Variants in PPIE observed in about 807,000 individuals in gnomAD.
PPIE encodes the protein peptidylprolyl isomerase E.
A neutral mutation model predicts 38.4 loss-of-function variants in PPIE; 20 were observed. The observed-to-expected ratio is 0.52, with a 90% CI of 0.37 to 0.76. The LOEUF is 0.76. Ranked by LOEUF, PPIE falls within the 30% of genes least tolerant of loss-of-function variation. The pLI is 0.00. For synonymous variants in PPIE, 142 were observed against 135.7 expected (o/e 1.05, Z -0.32); for missense variants, 322 against 385.8 (o/e 0.83, Z 1.39).
chr1:39,745,432 A>G lies in PPIE; in HGVS notation c.442A>G (p.Ile148Val), dbSNP rs766435677. ...SNPQVYMDIK[I>V]GNKPAGRIQM... The stretch of plus-strand genomic sequence containing the variant: ...TCCTCAGGTGTACATGGACATCAAG[A>G]TTGGGAACAAGCCGGCTGGCCGCAT... The change falls in exon 7 of 10, where the codon ATT becomes GTT. Residue 148 changes from isoleucine to valine, a missense_variant. Coordinates refer to ENST00000324379, the MANE Select transcript of PPIE (RefSeq NM_006112.4). 3.1e-6 allele frequency: 5 copies of G among 1,614,226 alleles called. No homozygotes were observed. The highest frequency in any genetic ancestry group is 4.2e-6 in the Non-Finnish European group (5 of 1,180,038).
At chr1:39,741,094 G>T (rs1198948627) in intron 2 of PPIE, among the ~76,000 whole-genome samples, 1 of 152,088 alleles carries the variant, frequency 6.6e-6, no homozygotes, top group African/African-American at 2.4e-5. Flanking sequence ...AATGGTTAAG[G>T]TTTTAAGTTT....
downstream of PPIE, chr1:39,759,958 G>A (rs1329002201): frequency 5.7e-6 from 1 of 174,582 alleles, no homozygotes; most frequent in Non-Finnish European, 1.2e-5. Flanking sequence ...GGCAGGCAAT[G>A]GGGAGCCAAC....
At chr1:39,757,639 C>G (rs28447267), downstream of PPIE, 23 of 152,388 alleles carry the variant, frequency 1.5e-4, no homozygotes, top group Admixed American at 1.3e-4. Context: ...GTCAGTAGAT[C>G]TGAAACAACC....
chr1:39,743,800 A>G (rs1553122903), intron 5 of PPIE, 24 bp from the exon 6 acceptor site: 4 of 1,588,212 alleles, frequency 2.5e-6, no homozygotes, highest in Admixed American at 1.7e-5. Context: ...TTGAATGAAC[A>G]TTTGTTTGAT....
At position 39,754,806 on chromosome 1, in the gene PPIE, CA is replaced by C. The variant is rs1648095802; in HGVS notation, c.*1452del. 6.6e-6 allele frequency among the ~76,000 whole-genome samples: 1 copy of C among 152,144 alleles called. No homozygotes were observed. Among genetic ancestry groups the C allele is most frequent in the South Asian group, 2.1e-4 (1 of 4,828 alleles). ...CTGGGAGGTTGAGGCTGCAGTCAGC[CA>C]TGGTCATGCCACTGTACTCCAGCCT... On this transcript the variant is annotated 3_prime_UTR_variant, in exon 10 of 10. Transcript: ENST00000324379.
At chr1:39,760,774 G>A (rs1006003153), downstream of PPIE, among the ~76,000 whole-genome samples, 1 of 152,158 alleles carries the variant, frequency 6.6e-6, no homozygotes, top group Admixed American at 6.5e-5. Context: ...CAGTGCCCAG[G>A]GAGGGACACA....
At chr1:39,745,680 A>T (rs113018707) in intron 7 of PPIE, 182 bp downstream of exon 7, 1 of 872,888 alleles carries the variant, frequency 1.1e-6, no homozygotes, top group Non-Finnish European at 1.7e-6. Context: ...TTGAAGCTTT[A>T]TAAGTGCTGG....
chr1:39,748,743 A>G, intron 7 of PPIE, 160 bp from the exon 8 acceptor site: 2 of 659,380 alleles, frequency 3.0e-6, no homozygotes, highest in Non-Finnish European at 5.1e-6. Context: ...CTCAAGGAAA[A>G]AGAATCCCTT....
In PPIE at chr1:39,753,633, G is replaced by A. The variant is rs535692139; in HGVS notation, c.*278G>A. 1 of 1,294,896 alleles carries A rather than the reference G, an allele frequency of 7.7e-7. No individual in the cohort carries two copies. The highest frequency in any genetic ancestry group is 2.1e-5 in the South Asian group (1 of 46,572). 80.2% of individuals were successfully genotyped at this position (1,294,896 alleles called of 1,614,324 possible). A position where few individuals can be genotyped will look rare whatever the true frequency, so the allele number is the denominator to read the frequency against. On this transcript the variant is annotated 3_prime_UTR_variant, in exon 10 of 10. Coordinates refer to ENST00000324379, the MANE Select transcript of PPIE (RefSeq NM_006112.4). ...TGGCTTTTCTCAGCATTTGCTGCTG[G>A]GCCTCTCCTGGGACTACCAGTGTGG...
At position 39,752,972 on chromosome 1, in the gene PPIE, G is replaced by A; in HGVS notation, c.757G>A (p.Asp253Asn). Residue 253 changes from aspartate to asparagine, a missense_variant, in exon 9 of 10, where the codon GAC becomes AAC. Transcript: ENST00000324379. ...TGGCTCTCAGTTCTTCCTGACATGTGACAAGACAGACTGGCTGGATGGCAA... is the reference window on the plus strand; with the variant it reads ...TGGCTCTCAGTTCTTCCTGACATGTAACAAGACAGACTGGCTGGATGGCAA... ...TNGSQFFLTC[D>N]KTDWLDGKHV... The A allele has an allele frequency of 6.2e-7, 1 of 1,614,218 alleles. No homozygotes were observed. Among genetic ancestry groups the A allele is most frequent in the Non-Finnish European group, 8.5e-7 (1 of 1,180,044 alleles).
chr1:39,752,811 T>G, intron 8 of PPIE, 99 bp from the exon 9 acceptor site: 4 of 1,457,950 alleles, frequency 2.7e-6, no homozygotes, highest in Non-Finnish European at 3.7e-6. Context: ...TCCCCGAGTC[T>G]GAGCCTGACT....
chr1:39,762,613 C>A, intron 9 of PPIE: 1 of 1,549,546 alleles, frequency 6.5e-7, no homozygotes, highest in Non-Finnish European at 8.7e-7. Flanking sequence ...GGTTGAGAGC[C>A]ACACCATCTA....
intron 1 of PPIE, chr1:39,739,342 A>T: frequency 1.1e-5 from 2 of 182,642 alleles, no homozygotes; most frequent in Non-Finnish European, 2.3e-5. Context: ...TAGCCCGCTG[A>T]GCTCCAGCGG....
At chr1:39,761,613 G>A (rs1025350772), downstream of PPIE, among the ~76,000 whole-genome samples, 8 of 151,858 alleles carry the variant, frequency 5.3e-5, no homozygotes, top group African/African-American at 1.7e-4. Flanking sequence ...ACCTCCCTCC[G>A]CCCTCCTCCC....
intron 8 of PPIE, among the ~76,000 whole-genome samples, chr1:39,749,939 GC>G (rs1481453811): frequency 1.3e-5 from 2 of 152,132 alleles, no homozygotes; most frequent in African/African-American, 4.8e-5. Flanking sequence ...TTGGAGGCCA[GC>G]CTAACTAACA....
chr1:39,753,860 T>C lies in PPIE; in HGVS notation c.*505T>C. The C allele has an allele frequency of 3.0e-6, 3 of 986,058 alleles. No individual in the cohort carries two copies. The highest frequency in any genetic ancestry group is 3.6e-6 in the Non-Finnish European group (3 of 830,440). 61.1% of individuals were successfully genotyped at this position (986,058 alleles called of 1,614,324 possible). A position where few individuals can be genotyped will look rare whatever the true frequency, so the allele number is the denominator to read the frequency against. On this transcript the variant is annotated 3_prime_UTR_variant, in exon 10 of 10. Transcript: ENST00000324379. ...CCCTTAGATGTCAGGTGATGTATCT[T>C]CACACCAGGCATCGATGTCAGGGCA...
chr1:39,755,607 C>G lies in PPIE; in HGVS notation c.*2252C>G. Reference sequence around the variant, plus strand: ...ACTGACTTCAGTGCTTGGACGAGAACCAGGAGAGAGTGTGTAGAAAAAGCA... The same window carrying G: ...ACTGACTTCAGTGCTTGGACGAGAAGCAGGAGAGAGTGTGTAGAAAAAGCA... On this transcript the variant is annotated 3_prime_UTR_variant, in exon 10 of 10. Transcript: ENST00000324379. 1 of 985,378 alleles carries G rather than the reference C, an allele frequency of 1.0e-6. No individual in the cohort carries two copies. Among genetic ancestry groups the G allele is most frequent in the African/African-American group, 1.7e-5 (1 of 57,338 alleles). 61.0% of individuals were successfully genotyped at this position (985,378 alleles called of 1,614,324 possible). A position where few individuals can be genotyped will look rare whatever the true frequency, so the allele number is the denominator to read the frequency against.
At chr1:39,760,338 G>A, downstream of PPIE, 6 of 1,585,908 alleles carry the variant, frequency 3.8e-6, no homozygotes, top group Non-Finnish European at 5.1e-6. Flanking sequence ...CCTGGGGTCT[G>A]GCTGGGTTTG....
At chr1:39,743,443 T>C in intron 5 of PPIE, 146 bp downstream of exon 5, 1 of 691,194 alleles carries the variant, frequency 1.4e-6, no homozygotes, top group East Asian at 2.7e-5. Flanking sequence ...GGGAAGGGCA[T>C]GCACCACCTT....
Sources: gnomAD v4.1 joint callset for allele counts (sites outside exome capture counted in the v4.1 genomes callset) on GRCh38, gnomAD v4.1.1 for gene constraint, MANE v1.5 for transcripts, NCBI Gene and HGNC (gene_info 2026-07-23, HGNC 2026-07-21) for gene names.